Variants in SPAG16 observed in about 807,000 individuals in gnomAD.
SPAG16 encodes the protein sperm-associated antigen 16 protein.
In SPAG16, 86 loss-of-function variants were observed where a neutral mutation model predicts 80.4. The observed-to-expected ratio is 1.07, with a 90% confidence interval of 0.90 to 1.28. The LOEUF (loss-of-function observed/expected upper bound fraction) is 1.28, where lower values mean the gene tolerates loss of function less well. SPAG16 is among the 50% of genes most tolerant of loss of function. SPAG16 has a pLI of 0.00. For synonymous variants in SPAG16, 294 were observed against 265.9 expected (o/e 1.11, Z -1.03); for missense variants, 870 against 765.3 (o/e 1.14, Z -1.61).
chr2:213,383,324 G>C (rs1438947322), intron 9 of SPAG16, among the ~76,000 whole-genome samples: 1 of 152,096 alleles, frequency 6.6e-6, no homozygotes, highest in Non-Finnish European at 1.5e-5. Flanking sequence ...AGATTGCAGA[G>C]TATTTAGTAT....
intron 10 of SPAG16, among the ~76,000 whole-genome samples, chr2:213,808,432 G>C (rs2071908359): frequency 6.6e-6 from 1 of 152,090 alleles, no homozygotes; most frequent in Non-Finnish European, 1.5e-5. Flanking sequence ...GTGAGTGAGA[G>C]GTTATCAGAG....
chr2:214,336,299 G>A (rs1697283943), intron 15 of SPAG16, among the ~76,000 whole-genome samples: 1 of 151,864 alleles, frequency 6.6e-6, no homozygotes, highest in Non-Finnish European at 1.5e-5. Flanking sequence ...GAAATGGGTG[G>A]GGTCTCAAAT....
chr2:214,283,457 A>G (rs776131917), intron 15 of SPAG16, among the ~76,000 whole-genome samples: 1 of 152,108 alleles, frequency 6.6e-6, no homozygotes, highest in Non-Finnish European at 1.5e-5. Flanking sequence ...AATACATTAC[A>G]TATCTTAACT....
intron 14 of SPAG16, among the ~76,000 whole-genome samples, chr2:214,129,568 G>T (rs1426304961): frequency 6.6e-6 from 1 of 152,044 alleles, no homozygotes; most frequent in Non-Finnish European, 1.5e-5. Flanking sequence ...AATAATAATA[G>T]CATTATTTTT....
intron 11 of SPAG16, among the ~76,000 whole-genome samples, chr2:213,886,596 C>T (rs1044278410): frequency 1.5e-4 from 23 of 152,048 alleles, no homozygotes; most frequent in African/African-American, 5.3e-4. Flanking sequence ...GATGCAGTGA[C>T]GAAAGGATTG....
In SPAG16 at chr2:214,354,562, G is replaced by A. The variant is rs533868572; in HGVS notation, c.1721-55578G>A. Among the ~76,000 whole-genome samples, 368 of 152,160 alleles carry A rather than the reference G, an allele frequency of 2.4e-3. 2 individuals are homozygous for A. The highest frequency in any genetic ancestry group is 0.018 in the Admixed American group (281 of 15,266). On this transcript the variant is annotated intron_variant, in intron 15 of 15. Coordinates refer to ENST00000331683, the MANE Select transcript of SPAG16 (RefSeq NM_024532.5). Reference sequence around the variant, plus strand: ...AAGTCATTGGTAGCTTGATGGGGATGGCATTGAATCTATAAATTACCTTGA... The same window carrying A: ...AAGTCATTGGTAGCTTGATGGGGATAGCATTGAATCTATAAATTACCTTGA...
At chr2:213,800,168 T>TA (rs1392089024) in intron 10 of SPAG16, among the ~76,000 whole-genome samples, 2 of 152,162 alleles carry the variant, frequency 1.3e-5, no homozygotes, top group African/African-American at 4.8e-5. Flanking sequence ...TATGCAGCAA[T>TA]ATTACAGTCT....
chr2:213,682,898 T>A (rs374675624), intron 10 of SPAG16, among the ~76,000 whole-genome samples: 1 of 152,202 alleles, frequency 6.6e-6, no homozygotes, highest in East Asian at 1.9e-4. Flanking sequence ...GATCCTGCTC[T>A]GTCAATTTGT....
chr2:213,505,310 T>C (rs2125791157), intron 10 of SPAG16, among the ~76,000 whole-genome samples: 1 of 152,308 alleles, frequency 6.6e-6, no homozygotes, highest in East Asian at 1.9e-4. Flanking sequence ...CAATTTTTTT[T>C]TACCTTTTTT....
At chr2:213,490,693 A>T (rs2125729868) in intron 10 of SPAG16, among the ~76,000 whole-genome samples, 1 of 152,262 alleles carries the variant, frequency 6.6e-6, no homozygotes, top group South Asian at 2.1e-4. Flanking sequence ...TGGTACATTT[A>T]CATTTCATTA....
chr2:214,383,076 C>T (rs1331386308), intron 15 of SPAG16, among the ~76,000 whole-genome samples: 1 of 152,020 alleles, frequency 6.6e-6, no homozygotes, highest in Non-Finnish European at 1.5e-5. Context: ...ATGCTTGTCC[C>T]TGAGAATAGA....
At chr2:214,160,848 C>T (rs544482323) in intron 15 of SPAG16, among the ~76,000 whole-genome samples, 1 of 152,102 alleles carries the variant, frequency 6.6e-6, no homozygotes, top group East Asian at 1.9e-4. Flanking sequence ...TATTATTCAT[C>T]TTACTATTTT....
At chr2:214,086,158 G>C (rs2051733246) in intron 13 of SPAG16, among the ~76,000 whole-genome samples, 1 of 152,172 alleles carries the variant, frequency 6.6e-6, no homozygotes, top group Non-Finnish European at 1.5e-5. Flanking sequence ...ACTTCTGACA[G>C]TGACACTGCA....
At chr2:213,298,245 G>A (rs2088568034) in intron 3 of SPAG16, among the ~76,000 whole-genome samples, 1 of 152,170 alleles carries the variant, frequency 6.6e-6, no homozygotes, top group Admixed American at 6.5e-5. Flanking sequence ...GCAGCTCATA[G>A]TAAATGACAT....
At chr2:213,318,251 G>A (rs900492511) in intron 5 of SPAG16, among the ~76,000 whole-genome samples, 3 of 151,934 alleles carry the variant, frequency 2.0e-5, no homozygotes, top group Non-Finnish European at 2.9e-5. Context: ...TGGAATCAAC[G>A]TAAGTGTCCA....
rs1443296352 is a variant in SPAG16 at position 213,987,653 on chromosome 2, CAATT to C, written c.1401-26295_1401-26292del. On this transcript the variant is annotated intron_variant, in intron 12 of 15. Coordinates refer to ENST00000331683, the MANE Select transcript of SPAG16 (RefSeq NM_024532.5). ...TCCACTTGGCCGATATTTAATTTCT[CAATT>C]AAGTATATATTTGGCACTGTGATGA... 1.2e-4 allele frequency among the ~76,000 whole-genome samples: 18 copies of C among 151,924 alleles called. No homozygotes were observed. The East Asian group carries it at 3.1e-3, about 26-fold the overall frequency.
At position 213,747,396 on chromosome 2, in the gene SPAG16, T is replaced by C. The variant is rs77642622; in HGVS notation, c.1071-115089T>C. The stretch of plus-strand genomic sequence containing the variant: ...AATTTAGAGTAGCCTAAGTGTACAG[T>C]GTTTATAAAGTCGATAGTAATGTAC... On this transcript the variant is annotated intron_variant, in intron 10 of 15. Coordinates refer to ENST00000331683, the MANE Select transcript of SPAG16 (RefSeq NM_024532.5). Among the ~76,000 whole-genome samples the C allele has an allele frequency of 4.5e-3, 690 of 152,290 alleles. 6 individuals carry two copies. Among genetic ancestry groups the C allele is most frequent in the African/African-American group, 0.015 (644 of 41,558 alleles).
intron 15 of SPAG16, among the ~76,000 whole-genome samples, chr2:214,309,788 G>A (rs867539268): frequency 1.3e-5 from 2 of 152,156 alleles, no homozygotes; most frequent in Non-Finnish European, 2.9e-5. Context: ...GAACCAAAGT[G>A]TGGCAGCTGC....
intron 10 of SPAG16, among the ~76,000 whole-genome samples, chr2:213,497,728 A>T (rs1447933577): frequency 6.6e-6 from 1 of 152,082 alleles, no homozygotes; most frequent in East Asian, 1.9e-4. Context: ...CCACCCTTTA[A>T]CTACGGTTGG....
Sources: allele counts gnomAD v4.1 joint callset (sites outside exome capture counted in the v4.1 genomes callset), GRCh38; gene constraint gnomAD v4.1.1; transcripts MANE v1.5; gene names NCBI Gene and HGNC (gene_info 2026-07-23, HGNC 2026-07-21).